The following APBB2 variants were observed in gnomAD, a reference collection of about 807,000 sequenced individuals.
APBB2 encodes Fe65-like 1.
APBB2 carries 38 observed loss-of-function variants against 82.5 expected under a neutral mutation model. That is an observed-to-expected ratio of 0.46 (90% CI 0.36 to 0.60). The LOEUF is 0.60. APBB2 is among the 20% of genes least tolerant of loss of function. The probability of loss-of-function intolerance (pLI) is 0.00; values close to 1 mark genes in which losing one functional copy is unlikely to be tolerated. For synonymous variants in APBB2, 341 were observed against 368.2 expected (o/e 0.93, Z 0.85); for missense variants, 772 against 972.3 (o/e 0.79, Z 2.74).
intron 4 of APBB2, among the ~76,000 whole-genome samples, chr4:41,050,835 C>T (rs1277794826): frequency 6.6e-6 from 1 of 152,188 alleles, no homozygotes. Flanking sequence ...GTATCAGCTA[C>T]TTATCCTGGA....
At chr4:40,825,810 C>T in intron 15 of APBB2, 77 bp downstream of exon 15, 1 of 1,113,968 alleles carries the variant, frequency 9.0e-7, no homozygotes, top group Non-Finnish European at 1.4e-6. Flanking sequence ...GCAGACCTCA[C>T]CCTCCTCGGA....
At chr4:40,851,711 T>C (rs1231717435) in intron 12 of APBB2, among the ~76,000 whole-genome samples, 3 of 136,304 alleles carry the variant, frequency 2.2e-5, no homozygotes, top group African/African-American at 5.6e-5. Flanking sequence ...AGGAATATTT[T>C]CTATGCATAT....
At chr4:41,092,406 T>G (rs1241486820) in intron 3 of APBB2, among the ~76,000 whole-genome samples, 3 of 152,212 alleles carry the variant, frequency 2.0e-5, no homozygotes. Context: ...CTGTCAAGAA[T>G]GCAGGAGCCA....
At chr4:41,203,563 GA>G (rs1777227608) in intron 1 of APBB2, among the ~76,000 whole-genome samples, 1 of 152,184 alleles carries the variant, frequency 6.6e-6, no homozygotes, top group Non-Finnish European at 1.5e-5. Context: ...TCTCCACAGT[GA>G]TAGTATCCAA....
At chr4:41,000,409 T>C (rs1185217532) in intron 6 of APBB2, among the ~76,000 whole-genome samples, 2 of 152,188 alleles carry the variant, frequency 1.3e-5, no homozygotes, top group Non-Finnish European at 2.9e-5. Flanking sequence ...GGTCCAGCTG[T>C]TGTACCAAGG....
At chr4:40,921,838 A>G (rs1434939704) in intron 10 of APBB2, among the ~76,000 whole-genome samples, 1 of 152,208 alleles carries the variant, frequency 6.6e-6, no homozygotes, top group Non-Finnish European at 1.5e-5. Context: ...GCTTTGCTAG[A>G]GACAAGGGTC....
At chr4:41,057,630 C>T (rs1296690475) in intron 4 of APBB2, among the ~76,000 whole-genome samples, 2 of 152,150 alleles carry the variant, frequency 1.3e-5, no homozygotes, top group Non-Finnish European at 2.9e-5. Context: ...TCATCTTGCA[C>T]GGATTTTTGT....
At chr4:40,999,201 G>A (rs35089980) in intron 6 of APBB2, among the ~76,000 whole-genome samples, 40,331 of 152,088 alleles carry the variant, frequency 0.27, 6,550 homozygotes, top group East Asian at 0.54. Flanking sequence ...AGTACTCTGG[G>A]AGGCTGAGAC....
intron 12 of APBB2, among the ~76,000 whole-genome samples, chr4:40,856,752 A>T (rs1250177042): frequency 6.6e-6 from 1 of 152,210 alleles, no homozygotes; most frequent in East Asian, 1.9e-4. Flanking sequence ...TGCACTGGCG[A>T]ATTGGGGGTC....
intron 2 of APBB2, among the ~76,000 whole-genome samples, chr4:41,101,529 G>C (rs1580045059): frequency 7.6e-6 from 1 of 132,408 alleles, no homozygotes; most frequent in Non-Finnish European, 1.6e-5. Context: ...CTTAAGGAAA[G>C]TTATCAACAA....
intron 4 of APBB2, among the ~76,000 whole-genome samples, chr4:41,056,129 G>A (rs1470979942): frequency 1.1e-4 from 17 of 152,170 alleles, no homozygotes; most frequent in East Asian, 3.9e-4. Context: ...GCAGTGAGCC[G>A]AGATCGCGGC....
At chr4:40,954,082 G>C (rs956724804) in intron 6 of APBB2, among the ~76,000 whole-genome samples, 2 of 152,138 alleles carry the variant, frequency 1.3e-5, no homozygotes, top group Non-Finnish European at 2.9e-5. Flanking sequence ...TTCTGAACAA[G>C]GACCACTCCC....
intron 7 of APBB2, among the ~76,000 whole-genome samples, chr4:40,936,548 C>T (rs73150573): frequency 0.035 from 5,324 of 152,268 alleles, 311 homozygotes; most frequent in African/African-American, 0.12. Context: ...TAAGCCATGG[C>T]GCCTGGTGCA....
intron 10 of APBB2, among the ~76,000 whole-genome samples, chr4:40,897,666 G>C (rs890858177): frequency 6.6e-6 from 1 of 152,118 alleles, no homozygotes; most frequent in African/African-American, 2.4e-5. Context: ...CATTCCATGT[G>C]GCTTAAGTGA....
At chr4:40,865,574 T>C (rs1763855852) in intron 12 of APBB2, among the ~76,000 whole-genome samples, 1 of 152,230 alleles carries the variant, frequency 6.6e-6, no homozygotes, top group Admixed American at 6.5e-5. Flanking sequence ...TTCTGAACCT[T>C]GCTTCCTTCA....
chr4:40,919,047 G>C (rs1451254074), intron 10 of APBB2, among the ~76,000 whole-genome samples: 1 of 152,120 alleles, frequency 6.6e-6, no homozygotes, highest in Non-Finnish European at 1.5e-5. Flanking sequence ...AACAGACTGG[G>C]CTTTCACCAG....
intron 4 of APBB2, among the ~76,000 whole-genome samples, chr4:41,055,873 A>C (rs1727652361): frequency 6.6e-6 from 1 of 152,212 alleles, no homozygotes; most frequent in Admixed American, 6.5e-5. Context: ...GTGTCTATGT[A>C]AGTGGCTAAT....
At position 40,890,397 on chromosome 4, in the gene APBB2, A is replaced by G; in HGVS notation, c.1496T>C (p.Ile499Thr). Reference sequence around the variant, plus strand: ...GTCGCGGCCCACGCCCCACACGCGGATGCTGACGATGGGCTGCGAGTGCAG... The same window carrying G: ...GTCGCGGCCCACGCCCCACACGCGGGTGCTGACGATGGGCTGCGAGTGCAG... The part of the protein sequence containing the change: ...SVLHSQPIVS[I>T]RVWGVGRDNG... Residue 499 changes from isoleucine to threonine, a missense_variant, in exon 12 of 18, where the codon ATC becomes ACC. By Grantham distance (89) the Ile-to-Thr change is moderately conservative (BLOSUM62 -1). Coordinates refer to ENST00000508593, the MANE Select transcript of APBB2 (RefSeq NM_004307.2). 1.9e-6 allele frequency: 3 copies of G among 1,613,764 alleles called. No homozygotes were observed. The highest frequency in any genetic ancestry group is 2.5e-6 in the Non-Finnish European group (3 of 1,180,022).
intron 3 of APBB2, among the ~76,000 whole-genome samples, chr4:41,076,318 T>C (rs1350878350): frequency 6.6e-6 from 1 of 152,130 alleles, no homozygotes; most frequent in Admixed American, 6.6e-5. Flanking sequence ...TGCAAGTCAT[T>C]TTAAGGAGTA....
Sources: gnomAD v4.1 joint callset for allele counts (sites outside exome capture counted in the v4.1 genomes callset) on GRCh38, gnomAD v4.1.1 for gene constraint, MANE v1.5 for transcripts, NCBI Gene and HGNC (gene_info 2026-07-23, HGNC 2026-07-21) for gene names.